ZNF142: variants seen among roughly 807,000 people sequenced by gnomAD.
ZNF142 encodes zinc finger protein 142.
In ZNF142, 96 loss-of-function variants were observed where a neutral mutation model predicts 132.1. That is an observed-to-expected ratio of 0.73 (90% CI 0.62 to 0.86). The LOEUF (loss-of-function observed/expected upper bound fraction) is 0.86, where lower values mean the gene tolerates loss of function less well. Among genes scored for constraint, ZNF142 ranks in the 40% least tolerant of loss-of-function variants. The probability of loss-of-function intolerance (pLI) is 0.00; values close to 1 mark genes in which losing one functional copy is unlikely to be tolerated. For synonymous variants in ZNF142, 842 were observed against 890.1 expected, an observed-to-expected ratio of 0.95 and a Z score of 0.96; for missense variants, 2,163 against 2,336.2, an observed-to-expected ratio of 0.93 and a Z score of 1.53.
In ZNF142 at chr2:218,643,121, G is replaced by C. The variant is rs779170335; in HGVS notation, c.3995C>G (p.Ser1332Cys). 38 of 1,613,464 alleles carry C rather than the reference G, an allele frequency of 2.4e-5. No individual in the cohort carries two copies. Among genetic ancestry groups the C allele is most frequent in the African/African-American group, 4.0e-5 (3 of 74,946 alleles). ...GCAGAGGCTGCAGTGCAGCTCTCCA[G>C]ACTCCTCGAGGGGGCAGCCCCGGAT... ...HQIRGCPLEE[S>C]GELHCSLCPF... Residue 1332 changes from serine to cysteine, a missense_variant, in exon 9 of 11, where the codon TCT becomes TGT. By Grantham distance (112) the Ser-to-Cys change is moderately radical. Around this residue, in one of 7 missense-constraint regions of ZNF142, gnomAD observed 809 missense variants for 801.7 expected, o/e 1.01. Coordinates refer to ENST00000411696, the MANE Select transcript of ZNF142 (RefSeq NM_001379659.1).
intron 10 of ZNF142, among the ~76,000 whole-genome samples, chr2:218,639,824 G>A (rs1262962698): frequency 1.3e-5 from 2 of 150,822 alleles, no homozygotes; most frequent in African/African-American, 4.9e-5. Flanking sequence ...GGGAGGCCGA[G>A]GCGGGCGGAT....
chr2:218,640,702 C>T lies in ZNF142; in HGVS notation c.5156G>A (p.Trp1719Ter), dbSNP rs752760739. The change falls in exon 10 of 11, where the codon TGG becomes TAG. Residue 1719 changes from tryptophan to a stop codon, truncating the protein, a stop_gained. Transcript: ENST00000411696. LOFTEE classifies it high-confidence loss of function. ...CATGTGGTATTTCAGCTGGTTGACC[C>T]ACTTGCACTTGTAGCCACACTCAGG... ...LCPECGYKCK[W>*]VNQLKYHMTK... 6.2e-7 allele frequency: 1 copy of T among 1,614,210 alleles called. No homozygotes were observed. Among genetic ancestry groups the T allele is most frequent in the Non-Finnish European group, 8.5e-7 (1 of 1,180,044 alleles).
At chr2:218,653,267 A>T (rs140350439) in intron 4 of ZNF142, among the ~76,000 whole-genome samples, 1,521 of 116,892 alleles carry the variant, frequency 0.013, 23 homozygotes, top group Middle Eastern at 0.039. Flanking sequence ...CAAGAGAGAG[A>T]CTCTGTCTCA....
intron 7 of ZNF142, among the ~76,000 whole-genome samples, chr2:218,647,150 A>T (rs564872192): frequency 2.0e-5 from 3 of 151,520 alleles, no homozygotes; most frequent in South Asian, 2.1e-4. Context: ...TCGGCCGGGC[A>T]TGGTGGCTCA....
rs776415431 is a variant in ZNF142 at position 218,642,594 on chromosome 2, G to A, written c.4522C>T (p.Arg1508Ter). The change falls in exon 9 of 11, where the codon CGA becomes TGA. Residue 1508 changes from arginine to a stop codon, truncating the protein, a stop_gained. Coordinates refer to ENST00000411696, the MANE Select transcript of ZNF142 (RefSeq NM_001379659.1). LOFTEE classifies it high-confidence loss of function. The surrounding 1 kb of genome is among the most constrained non-coding windows in gnomAD (Gnocchi z 4.6). ...ETALKQHALR[R>*]HPEPAQPAPG... ...GCAGGCTGTGCAGGCTCGGGGTGTC[G>A]GCGCAGAGCATGCTGCTTAAGTGCT... is the stretch of plus-strand genomic sequence containing the variant. 9.4e-6 allele frequency: 15 copies of A among 1,602,562 alleles called. No individual in the cohort carries two copies. The highest frequency in any genetic ancestry group is 1.2e-5 in the Non-Finnish European group (14 of 1,175,240).
In ZNF142 at chr2:218,637,008, C is replaced by T; in HGVS notation, c.*1331G>A. On this transcript the variant is annotated 3_prime_UTR_variant, in exon 11 of 11. Coordinates refer to ENST00000411696, the MANE Select transcript of ZNF142 (RefSeq NM_001379659.1). ...CCCCAACTTCCTCAAAGCCCAAAGC[C>T]AAGGGAAGGATAAATCAAGGCTCAA... The T allele has an allele frequency of 2.3e-6, 1 of 437,842 alleles. No individual in the cohort carries two copies. The highest frequency in any genetic ancestry group is 2.0e-5 in the African/African-American group (1 of 49,424). The allele number at this position is 437,842 out of a possible 1,614,324, so 27.1% of individuals were successfully genotyped here. A position where few individuals can be genotyped will look rare whatever the true frequency, so the allele number is the denominator to read the frequency against.
At position 218,644,502 on chromosome 2, in the gene ZNF142, C is replaced by G. The variant is rs375651625; in HGVS notation, c.2614G>C (p.Glu872Gln). The part of the protein sequence containing the change: ...EVNTGRQEGS[E>Q]APHGGDLGGS... ...CCCAGGTCACCCCCATGGGGAGCCT[C>G]ACTGCCCTCCTGTCTTCCAGTGTTG... The change falls in exon 9 of 11, where the codon GAG (glutamate) becomes CAG (glutamine). Residue 872 changes from glutamate (E) to glutamine (Q), a missense_variant. This residue lies in a region of ZNF142 where 749 missense variants were observed against 830.3 expected (regional missense o/e 0.90). Transcript: ENST00000411696. The surrounding 1 kb of genome is among the most constrained non-coding windows in gnomAD (Gnocchi z 4.6). 2.2e-4 allele frequency: 361 copies of G among 1,614,020 alleles called. 1 individual carries two copies. The highest frequency in any genetic ancestry group is 2.9e-4 in the Non-Finnish European group (343 of 1,180,014).
Position 218,647,422 on chromosome 2 carries a change from C to CAAAAAAAAAAAAAAAAAAAAAAAAA in ZNF142, c.1874-1075_1874-1074insTTTTTTTTTTTTTTTTTTTTTTTTT. Among the ~76,000 whole-genome samples, 13 of 38,654 alleles carry CAAAAAAAAAAAAAAAAAAAAAAAAA rather than the reference C, an allele frequency of 3.4e-4. 1 individual carries two copies. Among genetic ancestry groups the CAAAAAAAAAAAAAAAAAAAAAAAAA allele is most frequent in the African/African-American group, 1.2e-3 (13 of 11,062 alleles). 25.4% of individuals were successfully genotyped at this position (38,654 alleles called of 152,430 possible). On this transcript the variant is annotated intron_variant, in intron 7 of 10. Transcript: ENST00000411696. Reference sequence around the variant, plus strand: ...TGAGCAACAGAGCCAGACTCCATCTCAAAAAAAAAAAAAGCCTCCTCCCCT... The same window carrying CAAAAAAAAAAAAAAAAAAAAAAAAA: ...TGAGCAACAGAGCCAGACTCCATCTCAAAAAAAAAAAAAAAAAAAAAAAAAAAAAAAAAAAAAAGCCTCCTCCCCT...
chr2:218,654,784 A>G (rs376521872), intron 4 of ZNF142, among the ~76,000 whole-genome samples: 1 of 34,620 alleles, frequency 2.9e-5, no homozygotes, highest in South Asian at 2.1e-3. Flanking sequence ...TTTCCCATTT[A>G]AAAAAAAAAA....
Position 218,648,989 on chromosome 2 carries a change from G to C in ZNF142, c.1519C>G (p.Leu507Val), listed in dbSNP as rs184582590. The C allele has an allele frequency of 6.2e-7, 1 of 1,612,218 alleles. No individual in the cohort carries two copies. The highest frequency in any genetic ancestry group is 1.1e-5 in the South Asian group (1 of 91,092). ...APDRKAFIKH[L>V]KETHGVRAVE... ...GCCCGCACCCCATGGGTCTCCTTCA[G>C]GTGCTTAATGAAGGCCTTGCGGTCG... is the stretch of plus-strand genomic sequence containing the variant. Residue 507 changes from leucine to valine, a missense_variant, in exon 7 of 11, where the codon CTG (leucine) becomes GTG (valine). Leu to Val is a conservative substitution (Grantham distance 32). This residue lies in a region of ZNF142 where 749 missense variants were observed against 830.3 expected (regional missense o/e 0.90). Transcript: ENST00000411696.
At chr2:218,653,796 C>A (rs1007300745) in intron 4 of ZNF142, among the ~76,000 whole-genome samples, 3 of 152,060 alleles carry the variant, frequency 2.0e-5, no homozygotes, top group African/African-American at 7.2e-5. Context: ...ATGAACAAAT[C>A]AAAACGAAAT....
At position 218,640,734 on chromosome 2, in the gene ZNF142, G is replaced by A. The variant is rs1697112676; in HGVS notation, c.5124C>T (p.Tyr1708=). Residue 1708 remains tyrosine (Y), a synonymous_variant, in exon 10 of 11, where the codon TAC becomes TAT. Coordinates refer to ENST00000411696, the MANE Select transcript of ZNF142 (RefSeq NM_001379659.1). ...HMRIHKEERK[Y]LCPECGYKCK... ...ACTTGTAGCCACACTCAGGGCACAG[G>A]TACTTCCGTTCCTCCTTGTGGATCC... 6.2e-7 allele frequency: 1 copy of A among 1,614,082 alleles called. No individual in the cohort carries two copies. Among genetic ancestry groups the A allele is most frequent in the South Asian group, 1.1e-5 (1 of 91,088 alleles).
rs1559278247 is a variant in ZNF142 at position 218,634,542 on chromosome 2, TG to T, written c.*3796del. On this transcript the variant is annotated 3_prime_UTR_variant, in exon 11 of 11. Transcript: ENST00000411696. This position sits in a 1 kb window ranked among gnomAD's most constrained non-coding sequence, Gnocchi z 4.0. ...CAGAATGGCGGCTGTGGCTATGTGCTGAAGCCAGACTTCCTGCGTGATATCC... is the reference window on the plus strand; with the variant it reads ...CAGAATGGCGGCTGTGGCTATGTGCTAAGCCAGACTTCCTGCGTGATATCC... 6.2e-7 allele frequency: 1 copy of T among 1,614,078 alleles called. No homozygotes were observed. The highest frequency in any genetic ancestry group is 8.5e-7 in the Non-Finnish European group (1 of 1,179,900).
At position 218,642,893 on chromosome 2, in the gene ZNF142, G is replaced by A. The variant is rs756067931; in HGVS notation, c.4223C>T (p.Ser1408Leu). 3.7e-6 allele frequency: 6 copies of A among 1,613,930 alleles called. No homozygotes were observed. The highest frequency in any genetic ancestry group is 5.1e-6 in the Non-Finnish European group (6 of 1,180,032). The change falls in exon 9 of 11, where the codon TCG (serine) becomes TTG (leucine). Residue 1408 changes from serine (S) to leucine (L), a missense_variant. Coordinates refer to ENST00000411696, the MANE Select transcript of ZNF142 (RefSeq NM_001379659.1). This position sits in a 1 kb window ranked among gnomAD's most constrained non-coding sequence, Gnocchi z 4.6. ...KPHQCPFCDF[S>L]TTRRYRLEAH... is the part of the protein sequence containing the mutation. ...CTCTAACCGGTACCGTCTGGTGGTC[G>A]AAAAGTCACAGAAGGGGCACTGATG...
At chr2:218,641,491 A>G (rs919130515) in intron 9 of ZNF142, among the ~76,000 whole-genome samples, 1 of 137,832 alleles carries the variant, frequency 7.3e-6, no homozygotes, top group Non-Finnish European at 1.6e-5. Context: ...TGATCCGCCC[A>G]CCTTGGCCTC....
chr2:218,645,764 C>A (rs544819505), intron 8 of ZNF142, among the ~76,000 whole-genome samples: 2 of 152,180 alleles, frequency 1.3e-5, no homozygotes, highest in South Asian at 2.1e-4. Context: ...TCTCTTTTTT[C>A]TTTCCTTTTC....
rs533854283 is a variant in ZNF142, at chr2:218,645,104, A to G, written c.2052-40T>C. On this transcript the variant is annotated intron_variant, in intron 8 of 10. Transcript: ENST00000411696. ...AAGGGGGAGGCAATCACAATAATTA[A>G]TCACAACAACTAAGAATCAGTCAGT... is the stretch of plus-strand genomic sequence containing the variant. 10 of 1,590,390 alleles carry G rather than the reference A, an allele frequency of 6.3e-6. No individual in the cohort carries two copies. The Admixed American group carries it at 1.2e-4, about 19-fold the overall frequency.
intron 7 of ZNF142, 46 bp from the exon 8 acceptor site, chr2:218,646,394 C>T (rs1423047247): frequency 3.1e-6 from 5 of 1,600,002 alleles, no homozygotes; most frequent in Admixed American, 1.7e-5. Context: ...AGGTCAGATA[C>T]AGATCAAGTG....
chr2:218,656,654 A>G (rs537012403), intron 3 of ZNF142, among the ~76,000 whole-genome samples, 191 bp from the exon 4 acceptor site: 48 of 152,308 alleles, frequency 3.2e-4, no homozygotes, highest in Non-Finnish European at 5.3e-4. Context: ...TATAAAAATG[A>G]TAACAGAATA....
Sources: allele counts gnomAD v4.1 joint callset (sites outside exome capture counted in the v4.1 genomes callset), GRCh38; gene constraint gnomAD v4.1.1; regional missense constraint gnomAD v4.1.1; non-coding constraint Gnocchi (gnomAD v3.1); transcripts MANE v1.5; gene names NCBI Gene and HGNC (gene_info 2026-07-23, HGNC 2026-07-21).